Variants in EDIL3 observed in about 807,000 individuals in gnomAD.
EDIL3 encodes the protein EGF like and discoidin domains 3.
A neutral mutation model predicts 67.4 loss-of-function variants in EDIL3; 37 were observed. That is an observed-to-expected ratio of 0.55 (90% CI 0.42 to 0.72). EDIL3 has a LOEUF of 0.72. Among genes scored for constraint, EDIL3 ranks in the 30% least tolerant of loss-of-function variants. EDIL3 has a pLI of 0.00. For missense variants in EDIL3, 527 were observed against 586.3 expected (o/e 0.90, Z 1.04); for synonymous variants, 195 against 196.3 (o/e 0.99, Z 0.05).
chr5:83,970,256 T>TTATA (rs60143474), intron 9 of EDIL3, among the ~76,000 whole-genome samples: 3,844 of 128,394 alleles, frequency 0.03, 215 homozygotes, highest in African/African-American at 0.11. Flanking sequence ...GTGTCACTAA[T>TTATA]TATATATATA....
At chr5:84,033,364 G>A (rs553528055) in intron 9 of EDIL3, among the ~76,000 whole-genome samples, 66 of 151,786 alleles carry the variant, frequency 4.3e-4, no homozygotes, top group Non-Finnish European at 7.1e-4. Context: ...TTTTTCTAAC[G>A]TAACTTCAAA....
At chr5:84,071,655 G>A (rs116196985) in intron 6 of EDIL3, among the ~76,000 whole-genome samples, 2,677 of 152,274 alleles carry the variant, frequency 0.018, 71 homozygotes, top group African/African-American at 0.06. Flanking sequence ...ACCCTTTCCA[G>A]AAGGGAAGAG....
intron 10 of EDIL3, among the ~76,000 whole-genome samples, chr5:83,951,795 A>AT (rs958362062): frequency 9.9e-5 from 15 of 151,664 alleles, no homozygotes; most frequent in African/African-American, 2.9e-4. Flanking sequence ...TTTTGATAGT[A>AT]TTTTTTTTAG....
At chr5:84,274,324 ACTC>A (rs1005010552) in intron 1 of EDIL3, among the ~76,000 whole-genome samples, 6 of 151,666 alleles carry the variant, frequency 4.0e-5, no homozygotes, top group Non-Finnish European at 1.5e-5. Flanking sequence ...CTGGTCTTGA[ACTC>A]CTGGACTCAA....
chr5:84,216,005 G>T (rs1175492516), intron 3 of EDIL3, among the ~76,000 whole-genome samples: 2 of 152,220 alleles, frequency 1.3e-5, no homozygotes, highest in Non-Finnish European at 2.9e-5. Flanking sequence ...TTTGAGAAGA[G>T]ACTGAAGAGG....
chr5:84,013,466 G>C (rs1251554113), intron 9 of EDIL3, among the ~76,000 whole-genome samples: 3 of 152,128 alleles, frequency 2.0e-5, no homozygotes, highest in South Asian at 2.1e-4. Context: ...TTATCAAAAG[G>C]CTTCAGGAAT....
chr5:83,968,657 TG>T (rs990991426), intron 9 of EDIL3, among the ~76,000 whole-genome samples: 3 of 152,048 alleles, frequency 2.0e-5, no homozygotes, highest in Admixed American at 6.6e-5. Context: ...ATCATCTGCC[TG>T]AATACAAAAT....
chr5:84,146,369 C>A (rs1351689811), intron 4 of EDIL3, among the ~76,000 whole-genome samples: 1 of 152,074 alleles, frequency 6.6e-6, no homozygotes, highest in Non-Finnish European at 1.5e-5. Context: ...ATGCTAATCA[C>A]CCATATGTTT....
At chr5:84,308,892 C>T (rs1046740177) in intron 1 of EDIL3, among the ~76,000 whole-genome samples, 5 of 152,088 alleles carry the variant, frequency 3.3e-5, no homozygotes, top group African/African-American at 1.2e-4. Context: ...CTTATGATCA[C>T]GGAAGTGGCG....
At chr5:84,319,991 G>C (rs187294703) in intron 1 of EDIL3, among the ~76,000 whole-genome samples, 61 of 152,182 alleles carry the variant, frequency 4.0e-4, no homozygotes, top group Non-Finnish European at 7.8e-4. Flanking sequence ...TCACACACCA[G>C]GGCCTGTCAG....
At chr5:84,271,355 A>T (rs1745469356) in intron 1 of EDIL3, among the ~76,000 whole-genome samples, 1 of 151,848 alleles carries the variant, frequency 6.6e-6, no homozygotes, top group Non-Finnish European at 1.5e-5. Context: ...CAGAGTTTGC[A>T]GTGAGCCGAG....
At chr5:84,078,376 T>C (rs887507557) in intron 6 of EDIL3, among the ~76,000 whole-genome samples, 2 of 152,058 alleles carry the variant, frequency 1.3e-5, no homozygotes, top group Non-Finnish European at 2.9e-5. Context: ...TATACGGATA[T>C]CTAAAAAACA....
At chr5:84,122,255 T>C (rs981949106) in intron 5 of EDIL3, among the ~76,000 whole-genome samples, 3 of 152,044 alleles carry the variant, frequency 2.0e-5, no homozygotes, top group African/African-American at 7.2e-5. Flanking sequence ...ATTTATCTTT[T>C]CTCTCACAGA....
At chr5:83,967,341 A>AT (rs1358666457) in intron 9 of EDIL3, among the ~76,000 whole-genome samples, 1 of 152,102 alleles carries the variant, frequency 6.6e-6, no homozygotes, top group East Asian at 1.9e-4. Context: ...AAATAAATAA[A>AT]ACAACAAATT....
intron 6 of EDIL3, among the ~76,000 whole-genome samples, chr5:84,070,103 C>T (rs138937133): frequency 6.6e-6 from 1 of 152,254 alleles, no homozygotes; most frequent in Non-Finnish European, 1.5e-5. Context: ...ACCACCTTCC[C>T]ACTCCATACC....
rs1452394197 is a variant in EDIL3, at chr5:84,384,501, TC to T, written c.-128del. 1 of 852,206 alleles carries T rather than the reference TC, an allele frequency of 1.2e-6. No homozygotes were observed. Among genetic ancestry groups the T allele is most frequent in the African/African-American group, 1.7e-5 (1 of 57,880 alleles). 52.8% of individuals were successfully genotyped at this position (852,206 alleles called of 1,614,324 possible). ...AAAGAATTCAAGAAGACGTTCTCTT[TC>T]CTCAGCGCTTTGTTAAACAAATTCT... On this transcript the variant is annotated 5_prime_UTR_variant, in exon 1 of 11. Transcript: ENST00000296591.
intron 9 of EDIL3, among the ~76,000 whole-genome samples, chr5:83,998,091 T>G (rs2112166303): frequency 6.6e-6 from 1 of 152,268 alleles, no homozygotes; most frequent in South Asian, 2.1e-4. Flanking sequence ...AAAGTCTAGA[T>G]GCTGTGCTAG....
intron 1 of EDIL3, among the ~76,000 whole-genome samples, chr5:84,319,003 G>A (rs975952319): frequency 6.6e-6 from 1 of 152,058 alleles, no homozygotes; most frequent in East Asian, 1.9e-4. Flanking sequence ...GATATGAACA[G>A]ACACTACTCA....
At chr5:83,949,598 T>G (rs1444189341) in intron 10 of EDIL3, among the ~76,000 whole-genome samples, 1 of 151,886 alleles carries the variant, frequency 6.6e-6, no homozygotes, top group African/African-American at 2.4e-5. Flanking sequence ...TTTGCTTGTG[T>G]GTACTATCTT....
Sources: allele counts gnomAD v4.1 joint callset (sites outside exome capture counted in the v4.1 genomes callset), GRCh38; gene constraint gnomAD v4.1.1; transcripts MANE v1.5; gene names NCBI Gene and HGNC (gene_info 2026-07-23, HGNC 2026-07-21).